Variants in NUBPL observed in about 807,000 individuals in gnomAD.
The protein encoded by NUBPL is NUBP iron-sulfur cluster assembly factor, mitochondrial.
NUBPL carries 31 observed loss-of-function variants against 45.7 expected under a neutral mutation model. That is an observed-to-expected ratio of 0.68 (90% CI 0.51 to 0.92). NUBPL has a LOEUF of 0.92. Ranked by LOEUF, NUBPL falls within the 40% of genes least tolerant of loss-of-function variation. NUBPL has a pLI of 0.00. For synonymous variants in NUBPL, 144 were observed against 140.9 expected (o/e 1.02, Z -0.15); for missense variants, 401 against 398.7 (o/e 1.01, Z -0.05).
rs371347602 is a variant in NUBPL at position 31,645,205 on chromosome 14, A to G, written c.383-28150A>G. 1.1e-3 allele frequency among the ~76,000 whole-genome samples: 164 copies of G among 152,056 alleles called. 6 individuals are homozygous for G. In the South Asian group the frequency reaches 0.033, roughly 31 times the overall value. On this transcript the variant is annotated intron_variant, in intron 4 of 10. Transcript: ENST00000281081. ...CTCAGCCTCCCGAGTAACTGGGACT[A>G]CAGGCGCCCGCCACCACACCCGGCT...
intron 6 of NUBPL, among the ~76,000 whole-genome samples, chr14:31,773,351 G>A (rs1469787562): frequency 6.6e-6 from 1 of 152,114 alleles, no homozygotes; most frequent in African/African-American, 2.4e-5. Context: ...ATTTTAAGGG[G>A]CAACTTGACT....
chr14:31,741,105 T>C (rs1257879087), intron 6 of NUBPL, among the ~76,000 whole-genome samples: 1 of 152,258 alleles, frequency 6.6e-6, no homozygotes, highest in Non-Finnish European at 1.5e-5. Flanking sequence ...GCCATGTCAG[T>C]GTCTGGTTCT....
chr14:31,836,356 T>A (rs1044428126), intron 8 of NUBPL, among the ~76,000 whole-genome samples: 2 of 152,156 alleles, frequency 1.3e-5, no homozygotes, highest in East Asian at 3.8e-4. Context: ...TGAGCATGCT[T>A]ACAGCTGTAT....
chr14:31,592,252 A>G lies in NUBPL; in HGVS notation c.292-7037A>G, dbSNP rs193197922. Among the ~76,000 whole-genome samples the G allele has an allele frequency of 3.7e-4, 56 of 152,242 alleles. 1 individual carries two copies. The East Asian group carries it at 9.5e-3, about 26-fold the overall frequency. On this transcript the variant is annotated intron_variant, in intron 3 of 10. Coordinates refer to ENST00000281081, the MANE Select transcript of NUBPL (RefSeq NM_025152.3). ...ATAAGGCCAATGTGATTTCTGGAGG[A>G]AGAAGTGGAATGGAGTAATAGGTGA...
intron 4 of NUBPL, among the ~76,000 whole-genome samples, chr14:31,667,553 C>G (rs2036463951): frequency 6.6e-6 from 1 of 152,002 alleles, no homozygotes; most frequent in South Asian, 2.1e-4. Flanking sequence ...CTACTTCTGT[C>G]AATTCGTCAT....
chr14:31,653,336 C>T (rs1053120628), intron 4 of NUBPL, among the ~76,000 whole-genome samples: 22 of 152,096 alleles, frequency 1.4e-4, no homozygotes, highest in African/African-American at 4.6e-4. Flanking sequence ...GAGACCAGGG[C>T]GTACTTTGGT....
chr14:31,676,744 C>T (rs2036709328), intron 6 of NUBPL, among the ~76,000 whole-genome samples: 2 of 151,502 alleles, frequency 1.3e-5, no homozygotes, highest in East Asian at 3.9e-4. Flanking sequence ...AAGTCTTCTA[C>T]TCATTTTTTA....
chr14:31,843,827 C>G (rs1361057242), intron 8 of NUBPL: 2 of 152,226 alleles, frequency 1.3e-5, no homozygotes, highest in African/African-American at 4.8e-5. Context: ...TCTACACTCT[C>G]ATAATACCCT....
chr14:31,818,458 A>G (rs1459229729), intron 7 of NUBPL, among the ~76,000 whole-genome samples: 1 of 152,112 alleles, frequency 6.6e-6, no homozygotes, highest in East Asian at 1.9e-4. Context: ...TTCTTCATCA[A>G]TTAGGATGAT....
intron 7 of NUBPL, among the ~76,000 whole-genome samples, chr14:31,824,684 T>C (rs553751549): frequency 5.3e-5 from 8 of 152,288 alleles, no homozygotes; most frequent in South Asian, 2.1e-4. Flanking sequence ...TTTCTCTATT[T>C]GAACTTCTTC....
chr14:31,598,724 G>A (rs2034348250), intron 3 of NUBPL, among the ~76,000 whole-genome samples: 1 of 152,154 alleles, frequency 6.6e-6, no homozygotes, highest in South Asian at 2.1e-4. Context: ...GCATATAAGA[G>A]GTTGTCTCTG....
At chr14:31,593,385 G>C (rs905021223) in intron 3 of NUBPL, among the ~76,000 whole-genome samples, 26 of 151,844 alleles carry the variant, frequency 1.7e-4, no homozygotes, top group Admixed American at 5.2e-4. Flanking sequence ...GTGCTGGGGG[G>C]CGTCTGTAGT....
chr14:31,810,630 A>C (rs980387277), intron 7 of NUBPL, among the ~76,000 whole-genome samples: 1 of 152,140 alleles, frequency 6.6e-6, no homozygotes, highest in African/African-American at 2.4e-5. Context: ...TAAGGTTAAC[A>C]TTGTGATGTG....
At chr14:31,846,972 A>C (rs1350005308) in intron 9 of NUBPL, among the ~76,000 whole-genome samples, 1 of 152,016 alleles carries the variant, frequency 6.6e-6, no homozygotes, top group East Asian at 1.9e-4. Context: ...AACAAAAAAC[A>C]AAAAACAGTG....
intron 6 of NUBPL, among the ~76,000 whole-genome samples, chr14:31,779,922 C>G (rs1323615895): frequency 1.3e-5 from 2 of 152,182 alleles, no homozygotes; most frequent in African/African-American, 4.8e-5. Flanking sequence ...CAGGAAGTGA[C>G]AGTTTTCATT....
At chr14:31,812,583 G>A (rs2039830011) in intron 7 of NUBPL, among the ~76,000 whole-genome samples, 1 of 152,184 alleles carries the variant, frequency 6.6e-6, no homozygotes, top group Non-Finnish European at 1.5e-5. Flanking sequence ...CCGACCCCTT[G>A]CACTTCCCTG....
rs557822631 is a variant in NUBPL at position 31,610,303 on chromosome 14, A to G, written c.382+10924A>G. On this transcript the variant is annotated intron_variant, in intron 4 of 10. Transcript: ENST00000281081. ...GTAAGTACATGCCAATAAATTGGAA[A>G]ATCTAGAAGAAATGGATAAATTCAT... 2.6e-4 allele frequency among the ~76,000 whole-genome samples: 40 copies of G among 152,246 alleles called. No individual in the cohort carries two copies. In the South Asian group the frequency reaches 8.3e-3, roughly 32 times the overall value.
intron 8 of NUBPL, among the ~76,000 whole-genome samples, chr14:31,838,883 G>A (rs1020834609): frequency 1.3e-5 from 2 of 152,102 alleles, no homozygotes; most frequent in Admixed American, 1.3e-4. Context: ...AGCCACACGT[G>A]ACTAATGGCT....
At chr14:31,582,095 T>A (rs1000434298) in intron 3 of NUBPL, among the ~76,000 whole-genome samples, 2 of 152,074 alleles carry the variant, frequency 1.3e-5, no homozygotes, top group Non-Finnish European at 2.9e-5. Flanking sequence ...CTCTAAGAAA[T>A]TAAAAAAATA....
Sources: gnomAD v4.1 joint callset for allele counts (sites outside exome capture counted in the v4.1 genomes callset) on GRCh38, gnomAD v4.1.1 for gene constraint, MANE v1.5 for transcripts, NCBI Gene and HGNC (gene_info 2026-07-23, HGNC 2026-07-21) for gene names.